The following MANSC1 variants were observed in gnomAD, a reference collection of about 807,000 sequenced individuals.
MANSC1 encodes MANSC domain containing 1.
In MANSC1, 13 loss-of-function variants were observed where a neutral mutation model predicts 14.1. The observed-to-expected ratio is 0.92, with a 90% CI of 0.60 to 1.46. The LOEUF is 1.46. Ranked by LOEUF, MANSC1 falls within the 40% of genes most tolerant of loss-of-function variation. MANSC1 has a pLI of 0.00. For synonymous variants in MANSC1, 227 were observed against 200.7 expected, an observed-to-expected ratio of 1.13 and a Z score of -1.11; for missense variants, 486 against 511.4, an observed-to-expected ratio of 0.95 and a Z score of 0.48.
chr12:12,330,712 G>A lies in MANSC1; in HGVS notation c.611C>T (p.Ser204Phe). Residue 204 changes from serine to phenylalanine, a missense_variant, in exon 4 of 4, where the codon TCT becomes TTT. Ser to Phe is a radical substitution (Grantham distance 155, BLOSUM62 -2). Transcript: ENST00000535902. ...QLLAYKEKGHSQSSQFSSDQE... is the reference protein window; with the variant it reads ...QLLAYKEKGHFQSSQFSSDQE... ...ATCAGAGGAAAATTGTGAACTCTGA[G>A]AATGGCCTTTTTCCTTATAAGCAAG... 1.2e-6 allele frequency: 2 copies of A among 1,614,218 alleles called. No individual in the cohort carries two copies. Among genetic ancestry groups the A allele is most frequent in the East Asian group, 2.2e-5 (1 of 44,888 alleles).
At chr12:12,348,396 C>T (rs973720743) in intron 1 of MANSC1, 3 of 152,200 alleles carry the variant, frequency 2.0e-5, no homozygotes, top group East Asian at 3.9e-4. Flanking sequence ...ACTATCAAGC[C>T]ACAAAAAGAC....
At chr12:12,346,641 T>A (rs995079242) in intron 1 of MANSC1, among the ~76,000 whole-genome samples, 1 of 152,172 alleles carries the variant, frequency 6.6e-6, no homozygotes, top group African/African-American at 2.4e-5. Flanking sequence ...AAAATGGTAC[T>A]GGAACAACTG....
At position 12,328,114 on chromosome 12, in the gene MANSC1, G is replaced by GA. The variant is rs758156243; in HGVS notation, c.*1912dup. Reference sequence around the variant, plus strand: ...CAGATAAGCAAATTGAAGTCCAGAGGAAAGAGGTATCAAACTGACCCAGGG... The same window carrying GA: ...CAGATAAGCAAATTGAAGTCCAGAGGAAAAGAGGTATCAAACTGACCCAGGG... On this transcript the variant is annotated 3_prime_UTR_variant, in exon 4 of 4. Transcript: ENST00000535902. The GA allele has an allele frequency of 6.6e-5, 10 of 152,136 alleles. No homozygotes were observed. Among genetic ancestry groups the GA allele is most frequent in the Non-Finnish European group, 1.5e-4 (10 of 68,036 alleles). 9.4% of individuals were successfully genotyped at this position (152,136 alleles called of 1,614,324 possible).
chr12:12,344,317 T>C (rs990986505), intron 1 of MANSC1, among the ~76,000 whole-genome samples: 4 of 152,086 alleles, frequency 2.6e-5, no homozygotes, highest in Non-Finnish European at 5.9e-5. Flanking sequence ...TCTGTGAGCA[T>C]GTTGCCAAAG....
At chr12:12,332,440 A>C (rs1862802086) in intron 3 of MANSC1, among the ~76,000 whole-genome samples, 1 of 152,182 alleles carries the variant, frequency 6.6e-6, no homozygotes, top group African/African-American at 2.4e-5. Context: ...AGGGCTCAGC[A>C]AACTACGGCC....
intron 2 of MANSC1, among the ~76,000 whole-genome samples, chr12:12,339,682 C>T (rs1352258802): frequency 6.6e-6 from 1 of 152,158 alleles, no homozygotes; most frequent in East Asian, 1.9e-4. Flanking sequence ...ATATGGAATA[C>T]AGTCTATCTT....
intron 3 of MANSC1, among the ~76,000 whole-genome samples, chr12:12,332,515 T>G (rs906203588): frequency 6.6e-6 from 1 of 152,110 alleles, no homozygotes; most frequent in Admixed American, 6.6e-5. Flanking sequence ...GGTTTTTACG[T>G]TTTTTAAAAT....
At position 12,329,949 on chromosome 12, in the gene MANSC1, A is replaced by G; in HGVS notation, c.*78T>C. The G allele has an allele frequency of 8.1e-7, 1 of 1,237,322 alleles. No individual in the cohort carries two copies. The highest frequency in any genetic ancestry group is 1.1e-6 in the Non-Finnish European group (1 of 885,506). 76.6% of individuals were successfully genotyped at this position (1,237,322 alleles called of 1,614,324 possible). ...GTCTTCAAAATACAACCTCCTGCTA[A>G]GACTAGCAAGTCAGCAGAAACTCAT... On this transcript the variant is annotated 3_prime_UTR_variant, in exon 4 of 4. Transcript: ENST00000535902.
rs1862818386 is a variant in MANSC1 at position 12,333,394 on chromosome 12, ACT to A, written c.365-2438_365-2437del. On this transcript the variant is annotated intron_variant, in intron 3 of 3. Coordinates refer to ENST00000535902, the MANE Select transcript of MANSC1 (RefSeq NM_018050.4). ...AAAGAAAAAGACTGTTTAAGTAAAC[ACT>A]CTGTGATGTGTGTGAAATCAGAACT... Among the ~76,000 whole-genome samples, 7 of 152,300 alleles carry A rather than the reference ACT, an allele frequency of 4.6e-5. No homozygotes were observed. In the South Asian group the frequency reaches 1.4e-3, roughly 32 times the overall value.
chr12:12,340,782 T>TA (rs932271471), intron 2 of MANSC1, among the ~76,000 whole-genome samples: 2 of 152,202 alleles, frequency 1.3e-5, no homozygotes, highest in Non-Finnish European at 1.5e-5. Context: ...ATACCACACT[T>TA]ACAGTATTCA....
rs1350529723 is a variant in MANSC1 at position 12,338,521 on chromosome 12, T to C, written c.263A>G (p.Lys88Arg). 6.2e-7 allele frequency: 1 copy of C among 1,613,658 alleles called. No individual in the cohort carries two copies. The highest frequency in any genetic ancestry group is 1.7e-5 in the Admixed American group (1 of 59,842). The change falls in exon 3 of 4, where the codon AAA (lysine) becomes AGA (arginine). Residue 88 changes from lysine to arginine, a missense_variant. Coordinates refer to ENST00000535902, the MANE Select transcript of MANSC1 (RefSeq NM_018050.4). ...GTAGCAGTTGGGTTGTCTAGCTGTT[T>C]TTCGAGTGTCGAAGATCATCAAGTT... is the stretch of plus-strand genomic sequence containing the variant. ...ACNLMIFDTR[K>R]TARQPNCYLF...
At chr12:12,338,290 G>C in intron 3 of MANSC1, 130 bp downstream of exon 3, 2 of 737,720 alleles carry the variant, frequency 2.7e-6, no homozygotes, top group Non-Finnish European at 4.0e-6. Context: ...TGAATTTCCA[G>C]TCATGAGATT....
At chr12:12,345,475 C>T (rs1049823439) in intron 1 of MANSC1, among the ~76,000 whole-genome samples, 10 of 152,076 alleles carry the variant, frequency 6.6e-5, no homozygotes, top group African/African-American at 1.2e-4. Context: ...AGGAGGAATA[C>T]GCTGCCTCAG....
chr12:12,347,697 C>T (rs770202891), intron 1 of MANSC1, among the ~76,000 whole-genome samples: 12 of 152,134 alleles, frequency 7.9e-5, no homozygotes, highest in Non-Finnish European at 1.3e-4. Flanking sequence ...AACAAGATAC[C>T]ACTACCCACC....
Position 12,343,332 on chromosome 12 carries a change from T to C in MANSC1, c.-18A>G, listed in dbSNP as rs1862963571. 6.3e-7 allele frequency: 1 copy of C among 1,595,634 alleles called. No homozygotes were observed. The highest frequency in any genetic ancestry group is 1.3e-5 in the African/African-American group (1 of 74,682). ...AAGAACATTTTAAATTTCAGTTTAG[T>C]TTTGGTCTTCAAAGGTCAAGGATAA... is the stretch of plus-strand genomic sequence containing the variant. On this transcript the variant is annotated 5_prime_UTR_variant, in exon 2 of 4. Transcript: ENST00000535902.
At chr12:12,345,714 G>C (rs995339770) in intron 1 of MANSC1, among the ~76,000 whole-genome samples, 2 of 152,176 alleles carry the variant, frequency 1.3e-5, no homozygotes, top group Non-Finnish European at 2.9e-5. Flanking sequence ...TGATAGCTTA[G>C]AGCAGAATTA....
rs3741799 is a variant in MANSC1 at position 12,343,077 on chromosome 12, G to T, written c.223+15C>A. 131,087 of 1,588,432 alleles carry T rather than the reference G, an allele frequency of 0.083. 6,037 individuals carry two copies. Among genetic ancestry groups the T allele is most frequent in the South Asian group, 0.13 (11,880 of 90,420 alleles). On this transcript the variant is annotated intron_variant, in intron 2 of 3. Coordinates refer to ENST00000535902, the MANE Select transcript of MANSC1 (RefSeq NM_018050.4). ...AACACATGGAACAAAGGATTGCCAA[G>T]AAACCACTATTTACCTGATATGTTT...
At position 12,330,384 on chromosome 12, in the gene MANSC1, C is replaced by T. The variant is rs3741801; in HGVS notation, c.939G>A (p.Ser313=). 0.087 allele frequency: 140,584 copies of T among 1,614,096 alleles called. 6,690 individuals carry two copies. Among genetic ancestry groups the T allele is most frequent in the South Asian group, 0.14 (12,511 of 91,080 alleles). ...LTTTFQAPTD[S]KGSLETIPFT... ...ACGGTATGGTTTCTAAGCTGCCTTT[C>T]GAGTCCGTAGGTGCCTGAAAGGTGG... Residue 313 remains serine (S), a synonymous_variant, in exon 4 of 4, where the codon TCG becomes TCA. Coordinates refer to ENST00000535902, the MANE Select transcript of MANSC1 (RefSeq NM_018050.4).
At position 12,327,839 on chromosome 12, in the gene MANSC1, C is replaced by T. The variant is rs984484584; in HGVS notation, c.*2188G>A. 1.3e-5 allele frequency: 2 copies of T among 152,016 alleles called. No individual in the cohort carries two copies. Among genetic ancestry groups the T allele is most frequent in the Admixed American group, 1.3e-4 (2 of 15,248 alleles). The allele number at this position is 152,016 out of a possible 1,614,324, so 9.4% of individuals were successfully genotyped here. On this transcript the variant is annotated 3_prime_UTR_variant, in exon 4 of 4. Coordinates refer to ENST00000535902, the MANE Select transcript of MANSC1 (RefSeq NM_018050.4). ...CTTTCCTCTTAATGTACTTTATGAACTTAGTGTAAACCAGGGAAATGGGGG... is the reference window on the plus strand; with the variant it reads ...CTTTCCTCTTAATGTACTTTATGAATTTAGTGTAAACCAGGGAAATGGGGG...
Sources: allele counts gnomAD v4.1 joint callset (sites outside exome capture counted in the v4.1 genomes callset), GRCh38; gene constraint gnomAD v4.1.1; transcripts MANE v1.5; gene names NCBI Gene and HGNC (gene_info 2026-07-23, HGNC 2026-07-21).